The following RNGTT variants were observed in gnomAD, a reference collection of about 807,000 sequenced individuals.
The protein encoded by RNGTT is mRNA-capping enzyme.
A neutral mutation model predicts 79.3 loss-of-function variants in RNGTT; 33 were observed. The ratio of observed to expected loss-of-function variants is 0.42; its 90% confidence interval spans 0.32 to 0.56. The LOEUF (loss-of-function observed/expected upper bound fraction) is 0.56. Ranked by LOEUF, RNGTT falls within the 20% of genes least tolerant of loss-of-function variation. The pLI, the probability that RNGTT is intolerant of heterozygous loss-of-function variation, is 0.17. For missense variants in RNGTT, 497 were observed against 739.1 expected, an observed-to-expected ratio of 0.67 and a Z score of 3.80; for synonymous variants, 222 against 235.9, an observed-to-expected ratio of 0.94 and a Z score of 0.54.
rs1771972245 is a variant in RNGTT, at chr6:88,610,203, A to G, written c.*2516T>C. The G allele has an allele frequency of 6.6e-6, 1 of 152,658 alleles. No homozygotes were observed. Among genetic ancestry groups the G allele is most frequent in the Non-Finnish European group, 1.5e-5 (1 of 68,038 alleles). 9.5% of individuals were successfully genotyped at this position (152,658 alleles called of 1,614,324 possible). ...TACACTGGGTGTGGCTGACAGCAGT[A>G]GGATGTGATGCCAGCAATAGAAGGG... is the stretch of plus-strand genomic sequence containing the variant. On this transcript the variant is annotated 3_prime_UTR_variant, in exon 16 of 16. Coordinates refer to ENST00000369485, the MANE Select transcript of RNGTT (RefSeq NM_003800.5).
intron 1 of RNGTT, among the ~76,000 whole-genome samples, chr6:88,941,843 A>G (rs867033684): frequency 5.9e-5 from 9 of 151,952 alleles, no homozygotes; most frequent in African/African-American, 2.2e-4. Context: ...AAAAATTACC[A>G]GTGAATAGAA....
chr6:88,876,848 A>C lies in RNGTT; in HGVS notation c.896+13647T>G, dbSNP rs186632367. 2.4e-3 allele frequency among the ~76,000 whole-genome samples: 367 copies of C among 152,338 alleles called. 3 individuals are homozygous for C. Among genetic ancestry groups the C allele is most frequent in the Middle Eastern group, 0.01 (3 of 294 alleles). ...AGGGTTGCACCTATGTTTGCAATCA[A>C]AGTTTTATCTGTATCTGCTCAGCTC... On this transcript the variant is annotated intron_variant, in intron 8 of 15. Transcript: ENST00000369485.
At chr6:88,876,582 A>C (rs986367186) in intron 8 of RNGTT, among the ~76,000 whole-genome samples, 4 of 152,252 alleles carry the variant, frequency 2.6e-5, no homozygotes, top group Non-Finnish European at 4.4e-5. Context: ...CATAGCTAGC[A>C]CAATCTCTGG....
intron 11 of RNGTT, among the ~76,000 whole-genome samples, chr6:88,811,670 A>G (rs1336907918): frequency 2.0e-5 from 3 of 152,164 alleles, no homozygotes; most frequent in Admixed American, 1.3e-4. Flanking sequence ...TCAATCTCCA[A>G]TGTTATTAGA....
chr6:88,771,315 G>GTGTGTGTATGTATA (rs1303688973), intron 12 of RNGTT, among the ~76,000 whole-genome samples: 12 of 62,070 alleles, frequency 1.9e-4, no homozygotes, highest in African/African-American at 7.3e-4. Flanking sequence ...GTGTGTGTGT[G>GTGTGTGTATGTATA]TATATATATA....
At chr6:88,869,740 G>C (rs1204765097) in intron 8 of RNGTT, among the ~76,000 whole-genome samples, 1 of 152,116 alleles carries the variant, frequency 6.6e-6, no homozygotes, top group African/African-American at 2.4e-5. Flanking sequence ...TAATACTACT[G>C]AGACTATAAA....
At chr6:88,614,442 C>T in intron 14 of RNGTT, 47 bp from the exon 15 acceptor site, 10 of 1,587,122 alleles carry the variant, frequency 6.3e-6, no homozygotes, top group Non-Finnish European at 7.8e-6. Flanking sequence ...ACTTGAAAGG[C>T]TTTTTGCTTC....
chr6:88,646,812 G>T (rs1368763568), intron 14 of RNGTT, among the ~76,000 whole-genome samples: 1 of 151,952 alleles, frequency 6.6e-6, no homozygotes, highest in African/African-American at 2.4e-5. Context: ...TTGGACACAG[G>T]AAGGGGAACA....
At chr6:88,723,098 G>C (rs1776759411) in intron 13 of RNGTT, among the ~76,000 whole-genome samples, 1 of 152,196 alleles carries the variant, frequency 6.6e-6, no homozygotes, top group Non-Finnish European at 1.5e-5. Context: ...AACTCAGACA[G>C]GTCCTTCAGG....
chr6:88,728,990 T>C (rs1309007895), intron 13 of RNGTT, among the ~76,000 whole-genome samples: 2 of 152,152 alleles, frequency 1.3e-5, no homozygotes, highest in Admixed American at 1.3e-4. Context: ...ACTAGGGTGG[T>C]CCTCCAGTCG....
At chr6:88,742,543 G>T (rs1352995088) in intron 13 of RNGTT, among the ~76,000 whole-genome samples, 1 of 152,108 alleles carries the variant, frequency 6.6e-6, no homozygotes, top group Non-Finnish European at 1.5e-5. Context: ...AGGAAAAGTT[G>T]CGAGACTACG....
At chr6:88,724,168 C>T (rs1421711350) in intron 13 of RNGTT, among the ~76,000 whole-genome samples, 1 of 151,854 alleles carries the variant, frequency 6.6e-6, no homozygotes, top group Admixed American at 6.6e-5. Context: ...TTAGTGTAGC[C>T]GAAGTGTGCT....
At chr6:88,842,508 TA>T in intron 11 of RNGTT, among the ~76,000 whole-genome samples, 1 of 151,536 alleles carries the variant, frequency 6.6e-6, no homozygotes. Flanking sequence ...AGATGAGGCA[TA>T]AACAGAATTA....
intron 2 of RNGTT, among the ~76,000 whole-genome samples, chr6:88,934,407 G>A (rs1448636328): frequency 1.3e-5 from 2 of 152,122 alleles, no homozygotes; most frequent in South Asian, 4.1e-4. Context: ...CTGATGATTA[G>A]TAATGTTGAG....
At chr6:88,663,441 G>A (rs1285437839) in intron 14 of RNGTT, among the ~76,000 whole-genome samples, 1 of 152,174 alleles carries the variant, frequency 6.6e-6, no homozygotes, top group East Asian at 1.9e-4. Context: ...ATACTTGGTT[G>A]CAGCTAGTTT....
intron 10 of RNGTT, 115 bp downstream of exon 10, chr6:88,849,640 A>C: frequency 1.1e-6 from 1 of 894,342 alleles, no homozygotes; most frequent in Non-Finnish European, 1.5e-6. Context: ...CCAGTGAGTA[A>C]CCTGAGTCAC....
chr6:88,861,352 C>CA (rs981439441), intron 8 of RNGTT, among the ~76,000 whole-genome samples: 1 of 152,052 alleles, frequency 6.6e-6, no homozygotes, highest in African/African-American at 2.4e-5. Flanking sequence ...GTCATGTGTT[C>CA]AAAAAACAAT....
chr6:88,849,883 T>C, intron 9 of RNGTT, 57 bp from the exon 10 acceptor site: 1 of 1,452,822 alleles, frequency 6.9e-7, no homozygotes, highest in Non-Finnish European at 9.2e-7. Context: ...TTTTTTTAAT[T>C]TAATTGAAAT....
chr6:88,627,779 C>T (rs57928295), intron 14 of RNGTT, among the ~76,000 whole-genome samples: 3,324 of 152,126 alleles, frequency 0.022, 102 homozygotes, highest in African/African-American at 0.076. Context: ...ACTAAAAACA[C>T]AGAACTCTTT....
Sources: allele counts gnomAD v4.1 joint callset (sites outside exome capture counted in the v4.1 genomes callset), GRCh38; gene constraint gnomAD v4.1.1; transcripts MANE v1.5; gene names NCBI Gene and HGNC (gene_info 2026-07-23, HGNC 2026-07-21).